Variants in TMEM144 observed in about 807,000 individuals in gnomAD.
The protein encoded by TMEM144 is transmembrane protein 144.
Under a neutral mutation model 43.6 loss-of-function variants are expected in TMEM144, and 39 were observed. The observed-to-expected ratio is 0.90, with a 90% CI of 0.69 to 1.17. TMEM144 has a LOEUF of 1.17. Ranked by LOEUF, TMEM144 falls within the 50% of genes most tolerant of loss-of-function variation. The probability of loss-of-function intolerance (pLI) is 0.00; values close to 1 mark genes in which losing one functional copy is unlikely to be tolerated. For missense variants in TMEM144, 417 were observed against 411.9 expected (o/e 1.01, Z -0.11); for synonymous variants, 154 against 133.6 (o/e 1.15, Z -1.06).
chr4:158,216,634 C>T (rs1248661759), intron 4 of TMEM144, among the ~76,000 whole-genome samples: 1 of 151,936 alleles, frequency 6.6e-6, no homozygotes, highest in Non-Finnish European at 1.5e-5. Context: ...AGGTCAAGTA[C>T]CCAAAGGACA....
In TMEM144 at chr4:158,215,277, C is replaced by T; in HGVS notation, c.196C>T (p.Pro66Ser). 1 of 1,613,746 alleles carries T rather than the reference C, an allele frequency of 6.2e-7. No homozygotes were observed. Among genetic ancestry groups the T allele is most frequent in the South Asian group, 1.1e-5 (1 of 91,056 alleles). ...GATATTACATTGTCCAAAGTTTTGGCCTTTTGCAATGCTTGGGGGCTGCAT... is the reference window on the plus strand; with the variant it reads ...GATATTACATTGTCCAAAGTTTTGGTCTTTTGCAATGCTTGGGGGCTGCAT... ...NLILHCPKFWPFAMLGGCIWA... is the reference protein window; with the variant it reads ...NLILHCPKFWSFAMLGGCIWA... Residue 66 changes from proline (P) to serine (S), a missense_variant, in exon 4 of 13, where the codon CCT (proline) becomes TCT (serine). Coordinates refer to ENST00000296529, the MANE Select transcript of TMEM144 (RefSeq NM_018342.5).
intron 7 of TMEM144, chr4:158,233,274 AC>A: frequency 5.1e-6 from 1 of 194,268 alleles, no homozygotes; most frequent in Non-Finnish European, 1.0e-5. Flanking sequence ...CAATAGAGGA[AC>A]CCTAAATACT....
intron 9 of TMEM144, among the ~76,000 whole-genome samples, chr4:158,239,888 G>GTT (rs777121804): frequency 1.9e-4 from 26 of 139,408 alleles, no homozygotes; most frequent in Non-Finnish European, 2.1e-4. Flanking sequence ...AATTAATGGG[G>GTT]TTTTTTTTTT....
intron 11 of TMEM144, among the ~76,000 whole-genome samples, chr4:158,243,199 T>C (rs987444661): frequency 1.3e-5 from 2 of 152,204 alleles, no homozygotes; most frequent in African/African-American, 4.8e-5. Flanking sequence ...TGAAAGTCAG[T>C]GTGGGTTGCC....
chr4:158,226,491 C>T (rs1364676113), intron 6 of TMEM144, among the ~76,000 whole-genome samples: 9 of 152,116 alleles, frequency 5.9e-5, no homozygotes, highest in Non-Finnish European at 5.9e-5. Flanking sequence ...CATTTTAAAA[C>T]TTGATTAAAC....
intron 6 of TMEM144, among the ~76,000 whole-genome samples, chr4:158,230,928 C>A (rs1382941857): frequency 6.6e-6 from 1 of 152,128 alleles, no homozygotes; most frequent in Non-Finnish European, 1.5e-5. Flanking sequence ...AGGGAAAAAA[C>A]ATCTGTTTTT....
intron 3 of TMEM144, 101 bp from the exon 4 acceptor site, chr4:158,215,090 T>A: frequency 6.9e-7 from 1 of 1,456,118 alleles, no homozygotes; most frequent in Middle Eastern, 1.8e-4. Flanking sequence ...TGGCATTTAA[T>A]AAATTGTGGC....
At chr4:158,237,061 A>G (rs1201249407) in intron 8 of TMEM144, among the ~76,000 whole-genome samples, 1 of 152,214 alleles carries the variant, frequency 6.6e-6, no homozygotes, top group African/African-American at 2.4e-5. Flanking sequence ...GTGGATTTCA[A>G]TAGTTGTTTT....
At chr4:158,251,428 G>T (rs1736198786) in intron 12 of TMEM144, among the ~76,000 whole-genome samples, 1 of 152,166 alleles carries the variant, frequency 6.6e-6, no homozygotes, top group Admixed American at 6.5e-5. Flanking sequence ...TTAAGTGGGG[G>T]GGATGAGACA....
At chr4:158,220,635 G>A (rs944548122) in intron 6 of TMEM144, among the ~76,000 whole-genome samples, 3 of 152,310 alleles carry the variant, frequency 2.0e-5, no homozygotes, top group East Asian at 1.9e-4. Flanking sequence ...AAAGTATTTT[G>A]AGGGTTAAAT....
Position 158,241,508 on chromosome 4 carries a change from G to T in TMEM144, c.803-1G>T. On this transcript the variant is annotated splice_acceptor_variant, in intron 10 of 12. Transcript: ENST00000296529. LOFTEE classifies it high-confidence loss of function. ...AAATGTGTGTTGTCTTTGTATTTCA[G>T]GATTCCTGTCAGGAGTACTTTGGGC... is the stretch of plus-strand genomic sequence containing the variant. The T allele has an allele frequency of 1.2e-6, 2 of 1,612,830 alleles. No homozygotes were observed. Among genetic ancestry groups the T allele is most frequent in the Non-Finnish European group, 1.7e-6 (2 of 1,179,020 alleles).
intron 6 of TMEM144, among the ~76,000 whole-genome samples, chr4:158,226,501 C>G (rs1036187773): frequency 6.6e-6 from 1 of 152,040 alleles, no homozygotes; most frequent in East Asian, 1.9e-4. Flanking sequence ...CTTGATTAAA[C>G]CTTTAAAACA....
chr4:158,228,984 GAACGAAACAGAA>G, intron 6 of TMEM144, among the ~76,000 whole-genome samples: 1 of 152,070 alleles, frequency 6.6e-6, no homozygotes, highest in South Asian at 2.1e-4. Flanking sequence ...CCGGTAATCA[GAACGAAACAGAA>G]CAGGACAGGG....
intron 6 of TMEM144, among the ~76,000 whole-genome samples, chr4:158,228,602 A>G (rs1734897467): frequency 6.6e-6 from 1 of 152,070 alleles, no homozygotes; most frequent in Non-Finnish European, 1.5e-5. Context: ...ACCGGGGCAA[A>G]TGCCTACCCG....
chr4:158,217,471 TGTAA>T (rs774457964), intron 5 of TMEM144, 51 bp downstream of exon 5: 7 of 1,309,440 alleles, frequency 5.3e-6, no homozygotes, highest in Non-Finnish European at 6.6e-6. Context: ...CCATATTCTA[TGTAA>T]AGCAAGTGAT....
At chr4:158,233,053 A>G in intron 7 of TMEM144, 71 bp downstream of exon 7, 1 of 1,214,462 alleles carries the variant, frequency 8.2e-7, no homozygotes, top group Non-Finnish European at 1.2e-6. Context: ...CATAAATTTT[A>G]AACACAGATG....
intron 12 of TMEM144, among the ~76,000 whole-genome samples, chr4:158,250,985 A>G (rs1736172940): frequency 6.6e-6 from 1 of 152,144 alleles, no homozygotes; most frequent in South Asian, 2.1e-4. Context: ...CCTATTCCCT[A>G]CAGATTTGAA....
intron 12 of TMEM144, among the ~76,000 whole-genome samples, chr4:158,247,838 A>T (rs189859695): frequency 6.6e-6 from 1 of 151,892 alleles, no homozygotes; most frequent in East Asian, 1.9e-4. Flanking sequence ...GTTCAGTATA[A>T]TTCCTGTAAA....
In TMEM144 at chr4:158,240,281, T is replaced by G; in HGVS notation, c.683-18T>G. ...ATGATTAAAATGGTGTTTGAGAGTT[T>G]TTAATGTCTATTTTCAGATTTAGAC... On this transcript the variant is annotated intron_variant, in intron 9 of 12. Coordinates refer to ENST00000296529, the MANE Select transcript of TMEM144 (RefSeq NM_018342.5). The G allele has an allele frequency of 6.3e-7, 1 of 1,595,014 alleles. No individual in the cohort carries two copies. The highest frequency in any genetic ancestry group is 8.5e-7 in the Non-Finnish European group (1 of 1,173,884).
Sources: allele counts gnomAD v4.1 joint callset (sites outside exome capture counted in the v4.1 genomes callset), GRCh38; gene constraint gnomAD v4.1.1; transcripts MANE v1.5; gene names NCBI Gene and HGNC (gene_info 2026-07-23, HGNC 2026-07-21).